ZBTB10: variants seen among roughly 807,000 people sequenced by gnomAD.
The protein encoded by ZBTB10 is zinc finger and BTB domain containing 10.
Under a neutral mutation model 76.4 loss-of-function variants are expected in ZBTB10, and 32 were observed. The ratio of observed to expected loss-of-function variants is 0.42; its 90% CI spans 0.32 to 0.56. ZBTB10 has a LOEUF of 0.56. Among genes scored for constraint, ZBTB10 ranks in the 20% least tolerant of loss-of-function variants. ZBTB10 has a pLI of 0.14. For synonymous variants in ZBTB10, 523 were observed against 432.9 expected (o/e 1.21, Z -2.58); for missense variants, 1,057 against 1,098.5 (o/e 0.96, Z 0.53).
Position 80,487,444 on chromosome 8 carries a change from G to A in ZBTB10, c.634G>A (p.Gly212Ser), listed in dbSNP as rs1244599905. The A allele has an allele frequency of 1.3e-6, 2 of 1,546,134 alleles. No homozygotes were observed. Among genetic ancestry groups the A allele is most frequent in the Non-Finnish European group, 8.7e-7 (1 of 1,142,894 alleles). ...CTGCAGCAGCAGCAGGCGGTCGGGC[G>A]GCGATGGCGGGGACGAAGTGGAGGG... ...GSCSSSRRSG[G>S]DGGDEVEGSG... The change falls in exon 1 of 6, where the codon GGC becomes AGC. Residue 212 changes from glycine to serine, a missense_variant. Gly to Ser is a moderately conservative substitution (Grantham distance 56, BLOSUM62 0). Transcript: ENST00000455036.
At chr8:80,513,128 C>T (rs1816239840) in intron 2 of ZBTB10, among the ~76,000 whole-genome samples, 1 of 151,892 alleles carries the variant, frequency 6.6e-6, no homozygotes, top group Non-Finnish European at 1.5e-5. Flanking sequence ...CATCTATATT[C>T]TGTATTCTGA....
At position 80,522,154 on chromosome 8, in the gene ZBTB10, A is replaced by G. The variant is rs980532269; in HGVS notation, c.*2626A>G. 6.6e-6 allele frequency: 1 copy of G among 151,902 alleles called. No homozygotes were observed. The highest frequency in any genetic ancestry group is 2.4e-5 in the African/African-American group (1 of 41,426). 9.4% of individuals were successfully genotyped at this position (151,902 alleles called of 1,614,324 possible). A position where few individuals can be genotyped will look rare whatever the true frequency, so the allele number is the denominator to read the frequency against. On this transcript the variant is annotated 3_prime_UTR_variant, in exon 6 of 6. Coordinates refer to ENST00000455036, the MANE Select transcript of ZBTB10 (RefSeq NM_001105539.3). ...AAAAAAATAGTTTTAGTACTAAGGTATACTACTGGACATTTCTATTTTTTT... is the reference window on the plus strand; with the variant it reads ...AAAAAAATAGTTTTAGTACTAAGGTGTACTACTGGACATTTCTATTTTTTT...
intron 2 of ZBTB10, among the ~76,000 whole-genome samples, chr8:80,503,637 T>C (rs1025155251): frequency 6.6e-6 from 1 of 152,032 alleles, no homozygotes; most frequent in Non-Finnish European, 1.5e-5. Flanking sequence ...CTGCCTCAGC[T>C]TCCCAGGTAG....
intron 2 of ZBTB10, among the ~76,000 whole-genome samples, chr8:80,507,328 A>T (rs1176171550): frequency 7.3e-6 from 1 of 136,724 alleles, no homozygotes; most frequent in Non-Finnish European, 1.6e-5. Context: ...AGAAAAAAAA[A>T]ACAGCTGGGC....
At chr8:80,517,174 C>A (rs1816344935) in intron 3 of ZBTB10, among the ~76,000 whole-genome samples, 2 of 151,970 alleles carry the variant, frequency 1.3e-5, no homozygotes, top group South Asian at 4.2e-4. Flanking sequence ...TGAGTGGTGA[C>A]CTGACTTAAG....
chr8:80,516,720 G>A (rs1380542157), intron 3 of ZBTB10, among the ~76,000 whole-genome samples: 1 of 152,210 alleles, frequency 6.6e-6, no homozygotes, highest in African/African-American at 2.4e-5. Context: ...TAGTAATGAT[G>A]TGCAGTTTTA....
rs758778108 is a variant in ZBTB10, at chr8:80,486,865, G to T, written c.55G>T (p.Val19Phe). The T allele has an allele frequency of 1.3e-6, 2 of 1,510,338 alleles. No individual in the cohort carries two copies. Among genetic ancestry groups the T allele is most frequent in the South Asian group, 1.2e-5 (1 of 80,580 alleles). The allele number at this position is 1,510,338 out of a possible 1,614,324, so 93.6% of individuals were successfully genotyped here. ...GCTGGCGTTCCGAGGAGGCGGGTTGGTCACCGCTAGCGGCGGCGGCTCCAC... is the reference window on the plus strand; with the variant it reads ...GCTGGCGTTCCGAGGAGGCGGGTTGTTCACCGCTAGCGGCGGCGGCTCCAC... The part of the protein sequence containing the change: ...RTLAFRGGGL[V>F]TASGGGSTNN... Residue 19 changes from valine to phenylalanine, a missense_variant, in exon 1 of 6, where the codon GTC becomes TTC. Transcript: ENST00000455036.
chr8:80,518,778 A>AT lies in ZBTB10; in HGVS notation c.2138-3dup. ...AGCACTTTCTCTTTTTTTAATTCTCATAGGTGAATCATCTCTAATCATGAA... is the reference window on the plus strand; with the variant it reads ...AGCACTTTCTCTTTTTTTAATTCTCATTAGGTGAATCATCTCTAATCATGAA... On this transcript the variant is annotated splice_polypyrimidine_tract_variant and splice_region_variant and intron_variant, in intron 4 of 5. Coordinates refer to ENST00000455036, the MANE Select transcript of ZBTB10 (RefSeq NM_001105539.3). The AT allele has an allele frequency of 6.2e-7, 1 of 1,602,358 alleles. No homozygotes were observed. Among genetic ancestry groups the AT allele is most frequent in the South Asian group, 1.1e-5 (1 of 88,186 alleles).
intron 1 of ZBTB10, among the ~76,000 whole-genome samples, chr8:80,495,887 G>A (rs1217740915): frequency 6.6e-6 from 1 of 152,128 alleles, no homozygotes; most frequent in East Asian, 1.9e-4. Flanking sequence ...TTACTAAATG[G>A]CATCTTTACA....
At position 80,524,173 on chromosome 8, in the gene ZBTB10, A is replaced by G. The variant is rs1350605810; in HGVS notation, c.*4645A>G. The G allele has an allele frequency of 6.6e-6, 1 of 152,032 alleles. No individual in the cohort carries two copies. The highest frequency in any genetic ancestry group is 1.5e-5 in the Non-Finnish European group (1 of 67,930). 9.4% of individuals were successfully genotyped at this position (152,032 alleles called of 1,614,324 possible). ...CTTAATGAACTTTGACTTATGTATA[A>G]TTCAGATATCTTTGTACTTAAGGCT... On this transcript the variant is annotated 3_prime_UTR_variant, in exon 6 of 6. Coordinates refer to ENST00000455036, the MANE Select transcript of ZBTB10 (RefSeq NM_001105539.3).
At chr8:80,504,907 A>G (rs1563462324) in intron 2 of ZBTB10, among the ~76,000 whole-genome samples, 2 of 152,230 alleles carry the variant, frequency 1.3e-5, no homozygotes, top group Non-Finnish European at 2.9e-5. Context: ...GTATTCACAC[A>G]TGTTGTGTCC....
intron 2 of ZBTB10, among the ~76,000 whole-genome samples, chr8:80,509,275 ATG>A (rs1816133900): frequency 6.6e-6 from 1 of 152,334 alleles, no homozygotes; most frequent in South Asian, 2.1e-4. Context: ...TTGTGCTAAT[ATG>A]TGTTTATATG....
intron 1 of ZBTB10, among the ~76,000 whole-genome samples, chr8:80,497,787 A>C (rs750989060): frequency 1.4e-5 from 2 of 146,300 alleles, no homozygotes; most frequent in African/African-American, 5.1e-5. Flanking sequence ...TCAGCCTCCC[A>C]AGTAGCTGAC....
In ZBTB10 at chr8:80,500,344, A is replaced by C. The variant is rs372561877; in HGVS notation, c.1823A>C (p.Tyr608Ser). 56 of 1,583,400 alleles carry C rather than the reference A, an allele frequency of 3.5e-5. No homozygotes were observed. Among genetic ancestry groups the C allele is most frequent in the Non-Finnish European group, 4.8e-5 (56 of 1,164,922 alleles). ...DCSVMQPPVA[Y>S]PEENTLLIKE... ...TCAGTAATGCAGCCACCTGTTGCCT[A>C]TCCAGAAGAAAATACACTACTCATC... Residue 608 changes from tyrosine (Y) to serine (S), a missense_variant, in exon 2 of 6, where the codon TAT becomes TCT. This residue lies in a region of ZBTB10 where 306 missense variants were observed against 297.5 expected (regional missense o/e 1.03). Transcript: ENST00000455036.
chr8:80,490,157 T>C (rs1774807792), intron 1 of ZBTB10, among the ~76,000 whole-genome samples: 2 of 152,242 alleles, frequency 1.3e-5, no homozygotes, highest in Admixed American at 1.3e-4. Context: ...AAATCTCTAC[T>C]TTTTAGGCAG....
At chr8:80,485,904 G>A (rs1343473501), upstream of ZBTB10, 2 of 1,533,852 alleles carry the variant, frequency 1.3e-6, no homozygotes, top group African/African-American at 2.7e-5. Context: ...GCAGCGGGGA[G>A]GCGGCCAGAC....
At chr8:80,518,224 A>G (rs1195866762) in intron 3 of ZBTB10, among the ~76,000 whole-genome samples, 179 bp from the exon 4 acceptor site, 2 of 151,980 alleles carry the variant, frequency 1.3e-5, no homozygotes, top group Non-Finnish European at 2.9e-5. Flanking sequence ...ATTTTGTTTA[A>G]TTGTGATAAT....
rs1010105200 is a variant in ZBTB10 at position 80,523,294 on chromosome 8, A to G, written c.*3766A>G. 9 of 121,772 alleles carry G rather than the reference A, an allele frequency of 7.4e-5. No homozygotes were observed. Among genetic ancestry groups the G allele is most frequent in the African/African-American group, 3.1e-4 (6 of 19,452 alleles). The allele number at this position is 121,772 out of a possible 1,614,324, so 7.5% of individuals were successfully genotyped here. On this transcript the variant is annotated 3_prime_UTR_variant, in exon 6 of 6. Transcript: ENST00000455036. ...AGAATTTCAGCTCTTAATGGAGTCT[A>G]TGGATTATATTTTTCCTATAAGACA...
chr8:80,497,197 C>A (rs371929498), intron 1 of ZBTB10, among the ~76,000 whole-genome samples: 9 of 151,754 alleles, frequency 5.9e-5, no homozygotes, highest in Non-Finnish European at 1.5e-5. Flanking sequence ...CTACATGATA[C>A]GAAATTTCAC....
Sources: gnomAD v4.1 joint callset for allele counts (sites outside exome capture counted in the v4.1 genomes callset) on GRCh38, gnomAD v4.1.1 for gene constraint, gnomAD v4.1.1 regional missense constraint, MANE v1.5 for transcripts, NCBI Gene and HGNC (gene_info 2026-07-23, HGNC 2026-07-21) for gene names.